The following PYY variants were observed in gnomAD, a reference collection of about 807,000 sequenced individuals.
PYY encodes the protein peptide YY.
PYY carries 12 observed loss-of-function variants against 10.3 expected under a neutral mutation model. That is an observed-to-expected ratio of 1.17 (90% CI 0.75 to 1.89). The LOEUF (loss-of-function observed/expected upper bound fraction) is 1.89. PYY is among the 40% of genes most tolerant of loss of function. PYY has a pLI of 0.00. For missense variants in PYY, 141 were observed against 134.0 expected (o/e 1.05, Z -0.26); for synonymous variants, 66 against 62.0 (o/e 1.06, Z -0.30).
rs1005471251 is a variant in PYY at position 43,987,590 on chromosome 17, A to G, written c.-463+16801T>C. Among the ~76,000 whole-genome samples the G allele has an allele frequency of 1.3e-5, 2 of 152,202 alleles. No individual in the cohort carries two copies. Among genetic ancestry groups the G allele is most frequent in the African/African-American group, 4.8e-5 (2 of 41,452 alleles). ...GTCTTGGAGCAGACAGCTCAGAATGACCACTCTTCCCAGCTTCCCACATGC... is the reference window on the plus strand; with the variant it reads ...GTCTTGGAGCAGACAGCTCAGAATGGCCACTCTTCCCAGCTTCCCACATGC... On this transcript the variant is annotated intron_variant, in intron 1 of 6. Transcript: ENST00000360085. The surrounding 1 kb of genome is among the most constrained non-coding windows in gnomAD (Gnocchi z 4.0).
In PYY at chr17:43,987,318, A is replaced by G. The variant is rs1379561487; in HGVS notation, c.-463+17073T>C. On this transcript the variant is annotated intron_variant, in intron 1 of 6. Transcript: ENST00000360085. This position sits in a 1 kb window ranked among gnomAD's most constrained non-coding sequence, Gnocchi z 4.0. The stretch of plus-strand genomic sequence containing the variant: ...TAATGAATGTTTCTGAGCCCCTGAG[A>G]CTGAGCTTCATCAGAAGCAGCTGCC... Among the ~76,000 whole-genome samples the G allele has an allele frequency of 6.6e-6, 1 of 152,120 alleles. No homozygotes were observed. Among genetic ancestry groups the G allele is most frequent in the Non-Finnish European group, 1.5e-5 (1 of 68,016 alleles).
intron 1 of PYY, among the ~76,000 whole-genome samples, chr17:43,976,424 C>CGT (rs1555618305): frequency 0.011 from 1,333 of 125,970 alleles, 38 homozygotes; most frequent in African/African-American, 0.035. Flanking sequence ...TATACATATA[C>CGT]ATATATACAC....
intron 1 of PYY, among the ~76,000 whole-genome samples, chr17:43,995,765 C>T (rs1023640555): frequency 2.0e-5 from 3 of 146,826 alleles, no homozygotes; most frequent in South Asian, 2.2e-4. Context: ...ACCCAGGAGG[C>T]AGAGGTTGCG....
intron 1 of PYY, 50 bp from the exon 2 acceptor site, chr17:43,953,533 C>A (rs778333925): frequency 6.8e-7 from 1 of 1,480,848 alleles, no homozygotes; most frequent in Non-Finnish European, 9.0e-7. Context: ...CGACCCTACA[C>A]GGCGGGAGGC....
At chr17:43,972,888 T>C (rs1052570642) in intron 1 of PYY, among the ~76,000 whole-genome samples, 5 of 152,118 alleles carry the variant, frequency 3.3e-5, no homozygotes, top group Admixed American at 2.0e-4. Flanking sequence ...CTAATTTTTG[T>C]ATTTTTAGTA....
chr17:43,989,188 C>G (rs1435062929), intron 1 of PYY, among the ~76,000 whole-genome samples: 1 of 151,908 alleles, frequency 6.6e-6, no homozygotes, highest in Non-Finnish European at 1.5e-5. Flanking sequence ...TCCTGGCTAA[C>G]ACGGTGAAAC....
intron 2 of PYY, among the ~76,000 whole-genome samples, chr17:43,962,743 G>A (rs932823820): frequency 1.3e-5 from 2 of 152,178 alleles, no homozygotes; most frequent in Non-Finnish European, 2.9e-5. Flanking sequence ...GTCAACAGGT[G>A]TTACCTGGAA....
At chr17:43,975,635 C>A (rs2048823367) in intron 1 of PYY, among the ~76,000 whole-genome samples, 1 of 150,972 alleles carries the variant, frequency 6.6e-6, no homozygotes, top group South Asian at 2.1e-4. Context: ...GGGACAATCA[C>A]CTGAGCCCAG....
chr17:43,979,187 G>GCAT (rs1211507362), intron 1 of PYY, among the ~76,000 whole-genome samples: 18 of 152,198 alleles, frequency 1.2e-4, no homozygotes, highest in African/African-American at 4.3e-4. Context: ...AGCAGCAGCA[G>GCAT]CATCACTTGG....
chr17:43,956,500 C>T (rs1450300321), upstream of PYY, among the ~76,000 whole-genome samples: 3 of 152,006 alleles, frequency 2.0e-5, no homozygotes, highest in African/African-American at 7.3e-5. Context: ...AGGGGGGAAA[C>T]TTCAGAAACA....
At chr17:43,999,758 A>G (rs941275890) in intron 1 of PYY, among the ~76,000 whole-genome samples, 2 of 146,222 alleles carry the variant, frequency 1.4e-5, no homozygotes, top group African/African-American at 5.1e-5. Context: ...ACAAGAGTGA[A>G]ACTCCGTCTC....
At chr17:43,990,218 A>G (rs2048947306) in intron 1 of PYY, among the ~76,000 whole-genome samples, 1 of 151,710 alleles carries the variant, frequency 6.6e-6, no homozygotes, top group Non-Finnish European at 1.5e-5. Context: ...CGGGCAGATC[A>G]CTTGAGGTCA....
Position 43,953,852 on chromosome 17 carries a change from C to A in PYY, c.-3G>T. On this transcript the variant is annotated splice_region_variant and 5_prime_UTR_variant, in exon 1 of 4. Transcript: ENST00000692052. ...GGCTTGAGCCCCCAGCCACTCACAG[C>A]GATAGCTTGTGAAGCAGACGAGCAG... 5.5e-6 allele frequency: 1 copy of A among 180,406 alleles called. No homozygotes were observed. Among genetic ancestry groups the A allele is most frequent in the Non-Finnish European group, 1.2e-5 (1 of 85,508 alleles). The allele number at this position is 180,406 out of a possible 1,614,324, so 11.2% of individuals were successfully genotyped here.
intron 1 of PYY, among the ~76,000 whole-genome samples, chr17:43,976,228 T>TACATATATATAC (rs2048839684): frequency 2.1e-5 from 3 of 143,932 alleles, no homozygotes; most frequent in Admixed American, 6.8e-5. Flanking sequence ...TATACATATA[T>TACATATATATAC]ACATATGCGT....
intron 1 of PYY, among the ~76,000 whole-genome samples, chr17:43,981,547 T>C (rs2143939355): frequency 6.6e-6 from 1 of 152,246 alleles, no homozygotes; most frequent in South Asian, 2.1e-4. Context: ...TGGAGTGTAA[T>C]GGCGTGATCT....
At chr17:43,972,152 T>A (rs979322912) in intron 1 of PYY, among the ~76,000 whole-genome samples, 1 of 150,698 alleles carries the variant, frequency 6.6e-6, no homozygotes, top group Admixed American at 6.7e-5. Flanking sequence ...TGGTCAATTT[T>A]ATTTTATGTT....
chr17:43,973,894 G>A (rs1466635018), intron 1 of PYY, among the ~76,000 whole-genome samples: 1 of 152,162 alleles, frequency 6.6e-6, no homozygotes, highest in African/African-American at 2.4e-5. Context: ...GGGCCTTCGT[G>A]CCTGGACCTC....
rs1482138568 is a variant in PYY at position 43,987,852 on chromosome 17, G to A, written c.-463+16539C>T. Among the ~76,000 whole-genome samples the A allele has an allele frequency of 3.3e-5, 5 of 152,228 alleles. No individual in the cohort carries two copies. The highest frequency in any genetic ancestry group is 7.3e-5 in the Non-Finnish European group (5 of 68,042). ...AACTAAAATTAGCAATAGGGAGGGAGGAAGGGGGCAAGGATGGAGAACGAG... is the reference window on the plus strand; with the variant it reads ...AACTAAAATTAGCAATAGGGAGGGAAGAAGGGGGCAAGGATGGAGAACGAG... On this transcript the variant is annotated intron_variant, in intron 1 of 6. Coordinates refer to the PYY transcript ENST00000360085. This position sits in a 1 kb window ranked among gnomAD's most constrained non-coding sequence, Gnocchi z 4.0.
chr17:43,962,779 C>T (rs1235459697), intron 2 of PYY, among the ~76,000 whole-genome samples: 3 of 152,080 alleles, frequency 2.0e-5, no homozygotes, highest in African/African-American at 7.2e-5. Context: ...TTTTGGGGGG[C>T]GGCACACAGC....
Sources: gnomAD v4.1 joint callset for allele counts (sites outside exome capture counted in the v4.1 genomes callset) on GRCh38, gnomAD v4.1.1 for gene constraint, Gnocchi (gnomAD v3.1) non-coding constraint, MANE v1.5 for transcripts, NCBI Gene and HGNC (gene_info 2026-07-23, HGNC 2026-07-21) for gene names.